Variants in PTCH1 observed in about 807,000 individuals in gnomAD.
The protein encoded by PTCH1 is protein patched homolog 1.
PTCH1 carries 14 observed loss-of-function variants against 144.6 expected under a neutral mutation model. The ratio of observed to expected loss-of-function variants is 0.10; its 90% CI spans 0.06 to 0.15. The LOEUF (loss-of-function observed/expected upper bound fraction) is 0.15. Ranked by LOEUF, PTCH1 falls within the 10% of genes least tolerant of loss-of-function variation. The probability of loss-of-function intolerance (pLI) is 1.00; values close to 1 mark genes in which losing one functional copy is unlikely to be tolerated. For missense variants in PTCH1, 1,623 were observed against 1,948.3 expected, an observed-to-expected ratio of 0.83 and a Z score of 3.14; for synonymous variants, 833 against 793.6, an observed-to-expected ratio of 1.05 and a Z score of -0.83.
chr9:95,461,750 G>A (rs1269129868), intron 16 of PTCH1, 106 bp downstream of exon 16: 7 of 1,475,206 alleles, frequency 4.7e-6, no homozygotes, highest in African/African-American at 2.8e-5. Context: ...CAGTGCCTTA[G>A]GTCTCCAGAG....
chr9:95,510,002 TAA>T (rs71498965), upstream of PTCH1, among the ~76,000 whole-genome samples: 2 of 138,624 alleles, frequency 1.4e-5, no homozygotes, highest in African/African-American at 5.4e-5. Context: ...CCCCCCAACT[TAA>T]AAAAAAAAAA....
At chr9:95,504,309 C>T (rs1264271266) in intron 2 of PTCH1, among the ~76,000 whole-genome samples, 2 of 152,188 alleles carry the variant, frequency 1.3e-5, no homozygotes, top group African/African-American at 4.8e-5. Context: ...TGGCAGCTCC[C>T]ATAAAACTGC....
Position 95,476,688 on chromosome 9 carries a change from A to G in PTCH1, c.1602+71T>C. 2 of 1,440,942 alleles carry G rather than the reference A, an allele frequency of 1.4e-6. No homozygotes were observed. Among genetic ancestry groups the G allele is most frequent in the Non-Finnish European group, 1.9e-6 (2 of 1,040,550 alleles). 89.3% of individuals were successfully genotyped at this position (1,440,942 alleles called of 1,614,324 possible). A position where few individuals can be genotyped will look rare whatever the true frequency, so the allele number is the denominator to read the frequency against. ...TTACTGGGTCAGACTGAGGAAAATTAAAGGACAAATACTTAGGAACAGAGG... is the reference window on the plus strand; with the variant it reads ...TTACTGGGTCAGACTGAGGAAAATTGAAGGACAAATACTTAGGAACAGAGG... On this transcript the variant is annotated intron_variant, in intron 11 of 23. Coordinates refer to ENST00000331920, the MANE Select transcript of PTCH1 (RefSeq NM_000264.5). This position sits in a 1 kb window ranked among gnomAD's most constrained non-coding sequence, Gnocchi z 4.6.
chr9:95,515,973 C>CCG (rs559400792), intron 1 of PTCH1, among the ~76,000 whole-genome samples: 1 of 151,892 alleles, frequency 6.6e-6, no homozygotes, highest in Non-Finnish European at 1.5e-5. Flanking sequence ...GCAGCGGCTT[C>CCG]CGCGCGCGCG....
chr9:95,484,430 C>T (rs1250932140), intron 3 of PTCH1: 1 of 152,224 alleles, frequency 6.6e-6, no homozygotes, highest in Non-Finnish European at 1.5e-5. Flanking sequence ...GTGCCAAAGA[C>T]ATGTGACTCG....
intron 12 of PTCH1, among the ~76,000 whole-genome samples, chr9:95,472,111 G>A (rs1669329498): frequency 6.6e-6 from 1 of 152,188 alleles, no homozygotes; most frequent in South Asian, 2.1e-4. Flanking sequence ...AACACAGAGT[G>A]TGCAAGAGGA....
intron 10 of PTCH1, among the ~76,000 whole-genome samples, chr9:95,477,182 G>A (rs1841112890): frequency 6.6e-6 from 1 of 152,194 alleles, no homozygotes; most frequent in Non-Finnish European, 1.5e-5. Context: ...CACATTCTCA[G>A]CCCCGGCCCC....
In PTCH1 at chr9:95,516,188, C is replaced by A. The variant is rs546959196; in HGVS notation, c.3+281G>T. On this transcript the variant is annotated intron_variant, in intron 1 of 22. Transcript: ENST00000430669. ...GCCGTTCCTCAGCCGGGGCCCGCCG[C>A]GGCCAGCCCCCTCCCCGCCACGCGG... is the stretch of plus-strand genomic sequence containing the variant. 2.0e-5 allele frequency among the ~76,000 whole-genome samples: 3 copies of A among 150,846 alleles called. No individual in the cohort carries two copies. In the East Asian group the frequency reaches 5.9e-4, roughly 29 times the overall value.
At chr9:95,478,260 G>A in intron 8 of PTCH1, 74 bp from the exon 9 acceptor site, 1 of 1,600,398 alleles carries the variant, frequency 6.2e-7, no homozygotes, top group South Asian at 1.1e-5. Flanking sequence ...ACAGATCTCA[G>A]GTGACACAGC....
intron 20 of PTCH1, 42 bp downstream of exon 20, chr9:95,453,436 C>T (rs764946818): frequency 1.2e-6 from 2 of 1,612,526 alleles, no homozygotes; most frequent in African/African-American, 1.3e-5. Flanking sequence ...GGCCCAATCA[C>T]AATGATTTCT....
At chr9:95,481,274 T>C (rs1054172867) in intron 5 of PTCH1, among the ~76,000 whole-genome samples, 1 of 152,196 alleles carries the variant, frequency 6.6e-6, no homozygotes, top group South Asian at 2.1e-4. Flanking sequence ...CATCTAAAAC[T>C]GTACACTGAA....
chr9:95,507,035 C>A, intron 1 of PTCH1: 9 of 988,880 alleles, frequency 9.1e-6, no homozygotes, highest in Non-Finnish European at 1.1e-5. Flanking sequence ...CCCTCGGGGA[C>A]GGGCGCTAGG....
rs777291938 is a variant in PTCH1, at chr9:95,456,326, G to A, written c.3256C>T (p.Leu1086=). Reference sequence around the variant, plus strand: ...ACTCCTATGCCAACAGAAGCGATCAGGATGACCACGGGCACGGCACTGAGC... The same window carrying A: ...ACTCCTATGCCAACAGAAGCGATCAAGATGACCACGGGCACGGCACTGAGC... The part of the protein sequence containing the change: ...IKLSAVPVVI[L]IASVGIGVEF... Residue 1086 remains leucine, a synonymous_variant, in exon 19 of 24, where the codon CTG becomes TTG. Transcript: ENST00000331920. The A allele has an allele frequency of 2.5e-6, 4 of 1,614,090 alleles. No individual in the cohort carries two copies. The highest frequency in any genetic ancestry group is 3.4e-6 in the Non-Finnish European group (4 of 1,180,044).
chr9:95,463,226 T>C (rs189375772), intron 15 of PTCH1, among the ~76,000 whole-genome samples: 4 of 151,934 alleles, frequency 2.6e-5, no homozygotes, highest in Admixed American at 2.6e-4. Flanking sequence ...GGGTCTGAAG[T>C]GTGGGGAGGG....
intron 1 of PTCH1, among the ~76,000 whole-genome samples, chr9:95,515,767 C>G (rs557889669): frequency 6.6e-6 from 1 of 152,356 alleles, no homozygotes; most frequent in Admixed American, 6.5e-5. Flanking sequence ...CACCACCTCT[C>G]TTACCCACCG....
At chr9:95,489,399 A>C (rs550645944) in intron 2 of PTCH1, among the ~76,000 whole-genome samples, 1 of 152,266 alleles carries the variant, frequency 6.6e-6, no homozygotes, top group East Asian at 1.9e-4. Context: ...CCCAGGCTGG[A>C]GTGCAGTGGC....
At chr9:95,494,076 A>AACCGCACGGGACCGCACGGG (rs371005794) in intron 2 of PTCH1, among the ~76,000 whole-genome samples, 2 of 152,214 alleles carry the variant, frequency 1.3e-5, no homozygotes, top group African/African-American at 4.8e-5. Context: ...CTGCCCACGG[A>AACCGCACGGGACCGCACGGG]ACCGCACGGG....
chr9:95,477,738 C>T (rs1027973653), intron 9 of PTCH1, 36 bp from the exon 10 acceptor site: 6 of 1,611,898 alleles, frequency 3.7e-6, no homozygotes, highest in East Asian at 2.2e-5. Context: ...GAACAAAAGC[C>T]GAACATTAGA....
Position 95,508,631 on chromosome 9 carries a change from C to G in PTCH1, c.-270G>C. On this transcript the variant is annotated 5_prime_UTR_variant, in exon 1 of 24. Transcript: ENST00000331920. Reference sequence around the variant, plus strand: ...CCACATTGCGCGGGGGTCCCGAGGTCTCTGCGGCCGCCGCTGCCCACATCC... The same window carrying G: ...CCACATTGCGCGGGGGTCCCGAGGTGTCTGCGGCCGCCGCTGCCCACATCC... The G allele has an allele frequency of 1.0e-6, 1 of 990,538 alleles. No homozygotes were observed. The highest frequency in any genetic ancestry group is 1.2e-6 in the Non-Finnish European group (1 of 833,680). 61.4% of individuals were successfully genotyped at this position (990,538 alleles called of 1,614,324 possible).
Sources: allele counts gnomAD v4.1 joint callset (sites outside exome capture counted in the v4.1 genomes callset), GRCh38; gene constraint gnomAD v4.1.1; non-coding constraint Gnocchi (gnomAD v3.1); transcripts MANE v1.5; gene names NCBI Gene and HGNC (gene_info 2026-07-23, HGNC 2026-07-21).